The following NEDD9 variants were observed in gnomAD, a reference collection of about 807,000 sequenced individuals.
The protein encoded by NEDD9 is neural precursor cell expressed, developmentally down-regulated 9, also known as enhancer of filamentation 1.
NEDD9 carries 26 observed loss-of-function variants against 76.6 expected under a neutral mutation model. The observed-to-expected ratio is 0.34, with a 90% confidence interval of 0.25 to 0.47. NEDD9 has a LOEUF of 0.47. Among genes scored for constraint, NEDD9 ranks in the 20% least tolerant of loss-of-function variants. NEDD9 has a pLI of 1.00. For synonymous variants in NEDD9, 392 were observed against 414.2 expected (o/e 0.95, Z 0.65); for missense variants, 937 against 1,058.5 (o/e 0.89, Z 1.59).
At chr6:11,291,014 A>G (rs1483492073) in intron 3 of NEDD9, among the ~76,000 whole-genome samples, 1 of 151,960 alleles carries the variant, frequency 6.6e-6, no homozygotes, top group Non-Finnish European at 1.5e-5. Flanking sequence ...GGAGTGTTTC[A>G]CATGCTGGAA....
chr6:11,212,433 C>G (rs990643814), intron 2 of NEDD9, among the ~76,000 whole-genome samples: 42 of 152,324 alleles, frequency 2.8e-4, no homozygotes, highest in African/African-American at 9.9e-4. Flanking sequence ...TCCCCCACGG[C>G]AATGTAAGCA....
intron 2 of NEDD9, among the ~76,000 whole-genome samples, chr6:11,206,892 G>A: frequency 6.6e-6 from 1 of 152,314 alleles, no homozygotes; most frequent in Middle Eastern, 3.4e-3. Context: ...ATATTAAAAT[G>A]TATCTTGAAA....
At chr6:11,325,547 T>C (rs948535145) in intron 2 of NEDD9, among the ~76,000 whole-genome samples, 3 of 152,206 alleles carry the variant, frequency 2.0e-5, no homozygotes, top group African/African-American at 7.2e-5. Flanking sequence ...AGATGAATGG[T>C]AAGATTCATG....
chr6:11,354,926 T>TG (rs1399930100), intron 1 of NEDD9, among the ~76,000 whole-genome samples: 2 of 152,184 alleles, frequency 1.3e-5, no homozygotes, highest in African/African-American at 2.4e-5. Context: ...CATCTTGCTA[T>TG]GGGTTCAAAG....
chr6:11,265,349 G>C (rs1171688674), intron 3 of NEDD9, among the ~76,000 whole-genome samples: 1 of 152,216 alleles, frequency 6.6e-6, no homozygotes, highest in Non-Finnish European at 1.5e-5. Context: ...TTCAGGTGAA[G>C]ATTTCAGATG....
chr6:11,345,631 C>T (rs1350952617), intron 1 of NEDD9, among the ~76,000 whole-genome samples: 1 of 152,186 alleles, frequency 6.6e-6, no homozygotes, highest in South Asian at 2.1e-4. Flanking sequence ...GGGAACTGCT[C>T]TTAGCTCTCC....
chr6:11,294,473 TCTC>T (rs1412302004), intron 3 of NEDD9, among the ~76,000 whole-genome samples: 1 of 152,094 alleles, frequency 6.6e-6, no homozygotes, highest in African/African-American at 2.4e-5. Flanking sequence ...GCTCTCTCCC[TCTC>T]CTGTTCCAGC....
At chr6:11,258,436 T>C (rs1760047524) in intron 3 of NEDD9, 1 of 152,222 alleles carries the variant, frequency 6.6e-6, no homozygotes, top group African/African-American at 2.4e-5. Flanking sequence ...ATCAAGAATT[T>C]TAAAGGAAGT....
chr6:11,379,652 C>T lies in NEDD9; in HGVS notation c.-214+2487G>A, dbSNP rs530322672. 2.0e-5 allele frequency among the ~76,000 whole-genome samples: 3 copies of T among 151,880 alleles called. No individual in the cohort carries two copies. The South Asian group carries it at 6.3e-4, about 32-fold the overall frequency. ...TTATATTTTAAAAGAAATGTTTATACCATTCCTACAAATTAAAAAAAAAAC... is the reference window on the plus strand; with the variant it reads ...TTATATTTTAAAAGAAATGTTTATATCATTCCTACAAATTAAAAAAAAAAC... On this transcript the variant is annotated intron_variant, in intron 1 of 3. Coordinates refer to the NEDD9 transcript ENST00000397378.
chr6:11,289,416 C>T (rs1308229529), intron 3 of NEDD9, among the ~76,000 whole-genome samples: 6 of 152,142 alleles, frequency 3.9e-5, no homozygotes, highest in Non-Finnish European at 7.4e-5. Context: ...TAAATCAGCA[C>T]CATACTTTGC....
intron 1 of NEDD9, among the ~76,000 whole-genome samples, chr6:11,379,809 A>C (rs1763029790): frequency 1.3e-5 from 2 of 152,202 alleles, no homozygotes; most frequent in African/African-American, 4.8e-5. Context: ...CTCTTGTTAA[A>C]ACAGTAAGGA....
chr6:11,190,327 A>G lies in NEDD9; in HGVS notation c.1542T>C (p.Asn514=), dbSNP rs1438643058. The stretch of plus-strand genomic sequence containing the variant: ...TCTGGGGCTTGTTGATGGCCAAGAT[A>G]TTCAGGGACCAGCTGCACTCATTTA... ...HDLNECSWSL[N]ILAINKPQNK... Residue 514 remains asparagine, a synonymous_variant, in exon 5 of 7, where the codon AAT becomes AAC. Transcript: ENST00000379446. This position sits in a 1 kb window ranked among gnomAD's most constrained non-coding sequence, Gnocchi z 5.8. 6.2e-7 allele frequency: 1 copy of G among 1,614,060 alleles called. No homozygotes were observed.
intron 1 of NEDD9, among the ~76,000 whole-genome samples, chr6:11,344,356 G>T (rs979397413): frequency 6.6e-6 from 1 of 152,180 alleles, no homozygotes; most frequent in East Asian, 1.9e-4. Flanking sequence ...GAGAAAGAGG[G>T]CACCTTCAAA....
At chr6:11,290,439 C>T (rs930085633) in intron 3 of NEDD9, among the ~76,000 whole-genome samples, 12 of 152,212 alleles carry the variant, frequency 7.9e-5, no homozygotes, top group African/African-American at 2.4e-4. Context: ...CTTGACTTTC[C>T]CCAAAGTAAT....
chr6:11,303,118 C>T (rs1383134580), intron 3 of NEDD9, among the ~76,000 whole-genome samples: 1 of 152,192 alleles, frequency 6.6e-6, no homozygotes, highest in African/African-American at 2.4e-5. Context: ...TAGAAAACCC[C>T]ATTGTCTCAG....
At chr6:11,265,448 A>C (rs954863234) in intron 3 of NEDD9, among the ~76,000 whole-genome samples, 5 of 152,242 alleles carry the variant, frequency 3.3e-5, no homozygotes, top group African/African-American at 4.8e-5. Context: ...TTGTTCTTTC[A>C]ATAAATCTAT....
At chr6:11,215,001 A>G (rs1239510019) in intron 1 of NEDD9, among the ~76,000 whole-genome samples, 1 of 152,190 alleles carries the variant, frequency 6.6e-6, no homozygotes, top group Non-Finnish European at 1.5e-5. Flanking sequence ...GGACTTGATC[A>G]TTCAGCCTCG....
intron 2 of NEDD9, among the ~76,000 whole-genome samples, chr6:11,201,329 A>G (rs974474080): frequency 6.6e-6 from 1 of 152,166 alleles, no homozygotes; most frequent in Non-Finnish European, 1.5e-5. Context: ...CCCCCTCCCC[A>G]CAGCAAGCCT....
In NEDD9 at chr6:11,185,472, C is replaced by T. The variant is rs761775160; in HGVS notation, c.2195G>A (p.Cys732Tyr). The change falls in exon 7 of 7, where the codon TGT becomes TAT. Residue 732 changes from cysteine (C) to tyrosine (Y), a missense_variant. Coordinates refer to ENST00000379446, the MANE Select transcript of NEDD9 (RefSeq NM_006403.4). ...LLNAIDALFS[C>Y]VSSAQPPRIF... ...TCGCGGGGGCTGGGCTGAGCTGACA[C>T]AACTGAAGAGTGCGTCAATGGCGTT... 1.2e-6 allele frequency: 2 copies of T among 1,614,196 alleles called. No individual in the cohort carries two copies. The highest frequency in any genetic ancestry group is 1.7e-6 in the Non-Finnish European group (2 of 1,180,048).
Sources: allele counts gnomAD v4.1 joint callset (sites outside exome capture counted in the v4.1 genomes callset), GRCh38; gene constraint gnomAD v4.1.1; non-coding constraint Gnocchi (gnomAD v3.1); transcripts MANE v1.5; gene names NCBI Gene and HGNC (gene_info 2026-07-23, HGNC 2026-07-21).